The following CCSER1 variants were observed in gnomAD, a reference collection of about 807,000 sequenced individuals.
The protein encoded by CCSER1 is serine-rich coiled-coil domain-containing protein 1.
In CCSER1, 41 loss-of-function variants were observed where a neutral mutation model predicts 82.0. The ratio of observed to expected loss-of-function variants is 0.50; its 90% CI spans 0.39 to 0.65. CCSER1 has a LOEUF of 0.65. CCSER1 is among the 30% of genes least tolerant of loss of function. The probability of loss-of-function intolerance (pLI) is 0.00; values close to 1 mark genes in which losing one functional copy is unlikely to be tolerated. For missense variants in CCSER1, 1,119 were observed against 1,064.2 expected (o/e 1.05, Z -0.72); for synonymous variants, 414 against 383.9 (o/e 1.08, Z -0.92).
chr4:90,717,414 G>A (rs926620692), intron 6 of CCSER1, among the ~76,000 whole-genome samples: 6 of 152,116 alleles, frequency 3.9e-5, no homozygotes, highest in Admixed American at 1.3e-4. Context: ...AGATGTGACC[G>A]GAATGGAAAA....
chr4:91,482,975 A>AGG (rs1758024465), intron 10 of CCSER1, among the ~76,000 whole-genome samples: 1 of 152,258 alleles, frequency 6.6e-6, no homozygotes, highest in South Asian at 2.1e-4. Context: ...GGATAGCATT[A>AGG]GGAGATATAC....
At chr4:90,870,380 T>A (rs1381015554) in intron 8 of CCSER1, among the ~76,000 whole-genome samples, 2 of 151,974 alleles carry the variant, frequency 1.3e-5, no homozygotes, top group East Asian at 3.9e-4. Flanking sequence ...TTACCCAGTT[T>A]TTTTAGGACT....
At chr4:90,400,185 T>C in intron 4 of CCSER1, 56 bp downstream of exon 4, 2 of 926,180 alleles carry the variant, frequency 2.2e-6, no homozygotes, top group South Asian at 1.7e-5. Flanking sequence ...TCAGTAGCTT[T>C]CACTGATAGC....
Position 90,308,559 on chromosome 4 carries a change from G to C in CCSER1, c.275G>C (p.Gly92Ala). 1 of 1,613,886 alleles carries C rather than the reference G, an allele frequency of 6.2e-7. No homozygotes were observed. The highest frequency in any genetic ancestry group is 8.5e-7 in the Non-Finnish European group (1 of 1,179,840). Residue 92 changes from glycine (G) to alanine (A), a missense_variant, in exon 2 of 11, where the codon GGT becomes GCT. By Grantham distance (60) the Gly-to-Ala change is moderately conservative. Coordinates refer to ENST00000509176, the MANE Select transcript of CCSER1 (RefSeq NM_001145065.2). ...AACCAGAACCTTAGTATTTCAAATG[G>C]TGCTCAACCTGGTCACAGCAATATG... ...PTNQNLSISN[G>A]AQPGHSNMQK... is the part of the protein sequence containing the mutation.
chr4:91,286,038 G>A (rs1743252438), intron 10 of CCSER1, among the ~76,000 whole-genome samples: 1 of 150,130 alleles, frequency 6.7e-6, no homozygotes, highest in Non-Finnish European at 1.5e-5. Flanking sequence ...TACAATTAAA[G>A]TTTAGTTTTT....
chr4:90,751,934 G>A (rs963019978), intron 7 of CCSER1, among the ~76,000 whole-genome samples: 20 of 151,870 alleles, frequency 1.3e-4, no homozygotes, highest in Non-Finnish European at 2.9e-4. Context: ...AATATATTTA[G>A]GTATAATTTT....
rs1780893447 is a variant in CCSER1 at position 90,577,458 on chromosome 4, A to G, written c.1725-50567A>G. On this transcript the variant is annotated intron_variant, in intron 5 of 10. Transcript: ENST00000509176. ...TTTTTGCCACAGTAGTAGTTCCTACAGAGGTTTCTGCTGGTGGATTTCTCC... is the reference window on the plus strand; with the variant it reads ...TTTTTGCCACAGTAGTAGTTCCTACGGAGGTTTCTGCTGGTGGATTTCTCC... 2.0e-5 allele frequency among the ~76,000 whole-genome samples: 3 copies of G among 152,164 alleles called. No homozygotes were observed. The South Asian group carries it at 6.2e-4, about 31-fold the overall frequency.
rs200303205 is a variant in CCSER1 at position 90,339,917 on chromosome 4, T to TAA, written c.1509+26871_1509+26872dup. 7.7e-3 allele frequency among the ~76,000 whole-genome samples: 1,170 copies of TAA among 151,952 alleles called. 13 individuals are homozygous for TAA. The highest frequency in any genetic ancestry group is 0.026 in the African/African-American group (1,096 of 41,490). ...ATGTACTATTTTATATATATATATA[T>TAA]AATGAAACATCCCCAAAGCCTAGAA... is the stretch of plus-strand genomic sequence containing the variant. On this transcript the variant is annotated intron_variant, in intron 3 of 10. Transcript: ENST00000509176.
intron 10 of CCSER1, among the ~76,000 whole-genome samples, chr4:91,428,846 CTATT>C (rs1316594022): frequency 1.3e-5 from 2 of 151,976 alleles, no homozygotes; most frequent in Non-Finnish European, 2.9e-5. Flanking sequence ...AATCATCACT[CTATT>C]GTCTGTCTAT....
intron 5 of CCSER1, 40 bp from the exon 6 acceptor site, chr4:90,627,985 G>C (rs1427537150): frequency 6.6e-7 from 1 of 1,505,840 alleles, no homozygotes; most frequent in South Asian, 1.1e-5. Flanking sequence ...CTCTAAGCAT[G>C]CTGCACTGTA....
At chr4:91,521,052 A>C (rs188835235) in intron 10 of CCSER1, among the ~76,000 whole-genome samples, 68 of 152,194 alleles carry the variant, frequency 4.5e-4, no homozygotes, top group Admixed American at 2.2e-3. Context: ...CGCCCCTGAC[A>C]GGCCCCGGTG....
intron 10 of CCSER1, among the ~76,000 whole-genome samples, chr4:91,473,978 T>C (rs985884928): frequency 5.3e-5 from 8 of 152,228 alleles, no homozygotes; most frequent in African/African-American, 1.4e-4. Flanking sequence ...TTTTCGAGAA[T>C]ATAATTCATA....
Position 90,648,186 on chromosome 4 carries a change from A to C in CCSER1, c.1932+19954A>C, listed in dbSNP as rs532974884. On this transcript the variant is annotated intron_variant, in intron 6 of 10. Coordinates refer to ENST00000509176, the MANE Select transcript of CCSER1 (RefSeq NM_001145065.2). ...CAGTTTTTTGTTCAGTTTATCAACA[A>C]ATTTTCATTGTATGTCAGTCTCTGA... Among the ~76,000 whole-genome samples, 12 of 151,922 alleles carry C rather than the reference A, an allele frequency of 7.9e-5. 1 individual carries two copies. The South Asian group carries it at 2.5e-3, about 32-fold the overall frequency.
intron 4 of CCSER1, among the ~76,000 whole-genome samples, chr4:90,406,153 T>C (rs926998860): frequency 6.6e-6 from 1 of 152,042 alleles, no homozygotes; most frequent in African/African-American, 2.4e-5. Flanking sequence ...GAACTTAAGA[T>C]AAAGGGGTGG....
intron 7 of CCSER1, among the ~76,000 whole-genome samples, chr4:90,732,453 A>C (rs935197030): frequency 2.0e-5 from 3 of 152,166 alleles, no homozygotes; most frequent in African/African-American, 7.2e-5. Flanking sequence ...TCAGCACCAA[A>C]GGATTTTACT....
chr4:90,142,617 T>C (rs1009764886), intron 1 of CCSER1, among the ~76,000 whole-genome samples: 4 of 144,668 alleles, frequency 2.8e-5, no homozygotes, highest in Non-Finnish European at 4.4e-5. Context: ...TCGTTTTATT[T>C]ATTTACCACT....
chr4:90,933,132 A>AGTGTGTGTGTGTGTGTGTGTGTGTGT, intron 9 of CCSER1, among the ~76,000 whole-genome samples: 2 of 70,180 alleles, frequency 2.8e-5, no homozygotes, highest in Admixed American at 1.5e-4. Flanking sequence ...GTTACCTAGA[A>AGTGTGTGTGTGTGTGTGTGTGTGTGT]GTGTGTGTGT....
intron 5 of CCSER1, among the ~76,000 whole-genome samples, chr4:90,489,710 C>T (rs1358784474): frequency 2.6e-5 from 4 of 152,064 alleles, no homozygotes; most frequent in African/African-American, 7.2e-5. Flanking sequence ...TGTGATGTTC[C>T]CCTTCCTGTG....
intron 9 of CCSER1, among the ~76,000 whole-genome samples, chr4:91,042,386 A>G (rs1314411357): frequency 1.3e-5 from 2 of 152,204 alleles, no homozygotes; most frequent in Non-Finnish European, 1.5e-5. Context: ...CTGTGAGTCA[A>G]TTAAACCTCT....
Sources: gnomAD v4.1 joint callset for allele counts (sites outside exome capture counted in the v4.1 genomes callset) on GRCh38, gnomAD v4.1.1 for gene constraint, MANE v1.5 for transcripts, NCBI Gene and HGNC (gene_info 2026-07-23, HGNC 2026-07-21) for gene names.